ADSL: variants seen among roughly 807,000 people sequenced by gnomAD.
ADSL encodes adenylosuccinase.
ADSL carries 44 observed loss-of-function variants against 62.1 expected under a neutral mutation model. The ratio of observed to expected loss-of-function variants is 0.71; its 90% CI spans 0.56 to 0.91. The LOEUF (loss-of-function observed/expected upper bound fraction) is 0.91. ADSL is among the 40% of genes least tolerant of loss of function. The probability of loss-of-function intolerance (pLI) is 0.00; values close to 1 mark genes in which losing one functional copy is unlikely to be tolerated. For missense variants in ADSL, 531 were observed against 627.4 expected (o/e 0.85, Z 1.64); for synonymous variants, 198 against 220.5 (o/e 0.90, Z 0.90).
downstream of ADSL, among the ~76,000 whole-genome samples, chr22:40,373,972 G>A (rs566911742): frequency 6.7e-5 from 10 of 149,638 alleles, no homozygotes; most frequent in Admixed American, 2.0e-4. Flanking sequence ...TTTTTGAGAC[G>A]GAGTCTCCCT....
At chr22:40,365,305 C>G (rs908769347) in intron 12 of ADSL, among the ~76,000 whole-genome samples, 1 of 151,984 alleles carries the variant, frequency 6.6e-6, no homozygotes, top group Non-Finnish European at 1.5e-5. Context: ...GGCATGAGCC[C>G]CCACAACTGA....
downstream of ADSL, among the ~76,000 whole-genome samples, chr22:40,374,259 C>A (rs542939414): frequency 1.3e-5 from 2 of 152,030 alleles, no homozygotes; most frequent in Non-Finnish European, 2.9e-5. Flanking sequence ...GCCAATAGGG[C>A]GGTTTTTATA....
intron 6 of ADSL, 84 bp downstream of exon 6, chr22:40,359,390 T>C (rs760352117): frequency 1.4e-6 from 2 of 1,458,510 alleles, no homozygotes; most frequent in Non-Finnish European, 1.9e-6. Flanking sequence ...GACCTTACAA[T>C]TTTTGCCTTT....
At chr22:40,376,783 G>T (rs902187979) in intron 2 of ADSL, among the ~76,000 whole-genome samples, 1 of 151,730 alleles carries the variant, frequency 6.6e-6, no homozygotes, top group Non-Finnish European at 1.5e-5. Flanking sequence ...ATAGTTTTTT[G>T]TTTTTTTTAA....
At position 40,364,869 on chromosome 22, in the gene ADSL, T is replaced by C; in HGVS notation, c.1192-11T>C. Reference sequence around the variant, plus strand: ...TAGTAGGGAACTGACAATACTTCACTGTCTTCCCAGGATTGCCATGAGAAA... The same window carrying C: ...TAGTAGGGAACTGACAATACTTCACCGTCTTCCCAGGATTGCCATGAGAAA... On this transcript the variant is annotated splice_polypyrimidine_tract_variant and intron_variant, in intron 11 of 12. Coordinates refer to ENST00000623063, the MANE Select transcript of ADSL (RefSeq NM_000026.4). 6.2e-7 allele frequency: 1 copy of C among 1,614,180 alleles called. No homozygotes were observed. Among genetic ancestry groups the C allele is most frequent in the Non-Finnish European group, 8.5e-7 (1 of 1,179,998 alleles).
chr22:40,348,228 G>T (rs1569085312), intron 1 of ADSL, among the ~76,000 whole-genome samples: 1 of 152,190 alleles, frequency 6.6e-6, no homozygotes, highest in African/African-American at 2.4e-5. Flanking sequence ...GGAGGAAGCA[G>T]TATGGCCGTG....
intron 2 of ADSL, 98 bp downstream of exon 2, chr22:40,350,133 C>CTT (rs373063501): frequency 5.3e-4 from 471 of 887,608 alleles, no homozygotes; most frequent in African/African-American, 7.4e-4. Flanking sequence ...CACTATAGAT[C>CTT]TTTTTTTTTT....
intron 2 of ADSL, among the ~76,000 whole-genome samples, chr22:40,377,559 G>A (rs2046842391): frequency 1.3e-5 from 2 of 152,202 alleles, no homozygotes; most frequent in African/African-American, 4.8e-5. Context: ...AAATAGGCCT[G>A]GTGTCGTGGC....
downstream of ADSL, among the ~76,000 whole-genome samples, chr22:40,371,326 A>G (rs1281363437): frequency 6.6e-6 from 1 of 152,212 alleles, no homozygotes; most frequent in Non-Finnish European, 1.5e-5. Context: ...AAGATGTTTC[A>G]AAGGTTGTTT....
Position 40,365,052 on chromosome 22 carries a change from A to G in ADSL, c.1364A>G (p.Gln455Arg). ...TCTTCTTTCACTGGTCGTGCCTCCC[A>G]GCAGGTAAGCTTCCAAGAAGCCTCT... is the stretch of plus-strand genomic sequence containing the variant. ...DPSSFTGRAS[Q>R]QVQRFLEEEV... is the part of the protein sequence containing the mutation. Residue 455 changes from glutamine (Q) to arginine (R), a missense_variant, in exon 12 of 13, where the codon CAG becomes CGG. Gln to Arg is a conservative substitution (Grantham distance 43, BLOSUM62 1). Coordinates refer to ENST00000623063, the MANE Select transcript of ADSL (RefSeq NM_000026.4). The G allele has an allele frequency of 6.2e-7, 1 of 1,613,354 alleles. No individual in the cohort carries two copies. Among genetic ancestry groups the G allele is most frequent in the South Asian group, 1.1e-5 (1 of 91,072 alleles).
intron 4 of ADSL, among the ~76,000 whole-genome samples, chr22:40,354,880 A>G (rs1243518402): frequency 6.6e-6 from 1 of 152,118 alleles, no homozygotes; most frequent in Non-Finnish European, 1.5e-5. Flanking sequence ...AAAAAAAAAA[A>G]AAAGAAAAAA....
intron 4 of ADSL, among the ~76,000 whole-genome samples, chr22:40,355,161 G>T (rs1416777269): frequency 6.6e-6 from 1 of 152,086 alleles, no homozygotes; most frequent in Non-Finnish European, 1.5e-5. Context: ...TTTGGAGAGG[G>T]AGTCTTGCTC....
At chr22:40,378,130 G>A (rs998909532) in intron 2 of ADSL, 3 of 152,098 alleles carry the variant, frequency 2.0e-5, no homozygotes, top group African/African-American at 4.8e-5. Flanking sequence ...AGTAATATGG[G>A]TTTAGTAATC....
At chr22:40,347,967 T>A (rs1280012016) in intron 1 of ADSL, among the ~76,000 whole-genome samples, 1 of 152,234 alleles carries the variant, frequency 6.6e-6, no homozygotes, top group African/African-American at 2.4e-5. Flanking sequence ...CTCAAGACTT[T>A]GCCAGGGTCG....
At chr22:40,353,637 T>C (rs942038735) in intron 3 of ADSL, among the ~76,000 whole-genome samples, 1 of 146,172 alleles carries the variant, frequency 6.8e-6, no homozygotes, top group Non-Finnish European at 1.5e-5. Flanking sequence ...TTTTTTTTTT[T>C]TTTTTTGAGA....
intron 2 of ADSL, among the ~76,000 whole-genome samples, chr22:40,352,211 C>T (rs951344319): frequency 9.2e-5 from 14 of 152,052 alleles, no homozygotes; most frequent in Non-Finnish European, 1.9e-4. Flanking sequence ...TCATTCCTTT[C>T]CTTGTTAGCA....
chr22:40,386,257 CTT>C (rs2048426831), intron 2 of ADSL, among the ~76,000 whole-genome samples: 1 of 152,144 alleles, frequency 6.6e-6, no homozygotes, highest in African/African-American at 2.4e-5. Flanking sequence ...GGTTGTCTAA[CTT>C]TTACAACATG....
At chr22:40,355,910 GGTGCA>G (rs2044534579) in intron 4 of ADSL, among the ~76,000 whole-genome samples, 1 of 152,162 alleles carries the variant, frequency 6.6e-6, no homozygotes, top group African/African-American at 2.4e-5. Flanking sequence ...GCTGGGTCCA[GGTGCA>G]GTGGCTCATG....
chr22:40,380,752 A>C (rs998487651), intron 2 of ADSL, among the ~76,000 whole-genome samples: 1 of 152,192 alleles, frequency 6.6e-6, no homozygotes, highest in Non-Finnish European at 1.5e-5. Flanking sequence ...CCTGGGCAAC[A>C]TAGTAAGACC....
Sources: allele counts gnomAD v4.1 joint callset (sites outside exome capture counted in the v4.1 genomes callset), GRCh38; gene constraint gnomAD v4.1.1; transcripts MANE v1.5; gene names NCBI Gene and HGNC (gene_info 2026-07-23, HGNC 2026-07-21).